Variants in ARMC9 observed in about 807,000 individuals in gnomAD.
The protein encoded by ARMC9 is armadillo repeat containing 9, also known as lisH domain-containing protein ARMC9.
Under a neutral mutation model 107.0 loss-of-function variants are expected in ARMC9, and 94 were observed. The ratio of observed to expected loss-of-function variants is 0.88; its 90% confidence interval spans 0.74 to 1.04. The LOEUF (loss-of-function observed/expected upper bound fraction) is 1.04. Among genes scored for constraint, ARMC9 ranks in the 50% least tolerant of loss-of-function variants. The pLI is 0.00. For missense variants in ARMC9, 942 were observed against 1,030.1 expected (o/e 0.91, Z 1.17); for synonymous variants, 380 against 396.9 (o/e 0.96, Z 0.51).
chr2:231,330,233 T>A (rs999397269), intron 19 of ARMC9, among the ~76,000 whole-genome samples: 1 of 149,854 alleles, frequency 6.7e-6, no homozygotes, highest in South Asian at 2.1e-4. Context: ...TTCTTTCTTT[T>A]TTTTTTTTTT....
intron 20 of ARMC9, among the ~76,000 whole-genome samples, chr2:231,337,170 T>C (rs1407585367): frequency 6.6e-6 from 1 of 151,612 alleles, no homozygotes; most frequent in Non-Finnish European, 1.5e-5. Flanking sequence ...CCCTTTTCAG[T>C]CTATTATTCC....
intron 20 of ARMC9, among the ~76,000 whole-genome samples, chr2:231,332,831 A>G (rs2043832967): frequency 2.0e-5 from 3 of 152,154 alleles, no homozygotes; most frequent in Admixed American, 2.0e-4. Context: ...GAGTCACTAA[A>G]AGAGGCTCCT....
intron 21 of ARMC9, 66 bp downstream of exon 21, chr2:231,345,156 T>G: frequency 6.4e-7 from 1 of 1,566,892 alleles, no homozygotes; most frequent in Non-Finnish European, 8.6e-7. Context: ...CAGTGTAAGA[T>G]GTATGTATTT....
chr2:231,278,409 G>C lies in ARMC9; in HGVS notation c.1502G>C (p.Gly501Ala), dbSNP rs777000520. ...AAGAACATGTGTGCCAAGGTGGCAG[G>C]CCTCGTGCTCAAAGTCCTTTCGGAT... is the stretch of plus-strand genomic sequence containing the variant. ...TGKNMCAKVA[G>A]LVLKVLSDLL... The change falls in exon 16 of 25, where the codon GGC becomes GCC. Residue 501 changes from glycine to alanine, a missense_variant. Gly to Ala is a moderately conservative substitution (Grantham distance 60). Transcript: ENST00000611582. The C allele has an allele frequency of 6.2e-7, 1 of 1,614,028 alleles. No individual in the cohort carries two copies. The highest frequency in any genetic ancestry group is 1.3e-5 in the African/African-American group (1 of 74,912).
At chr2:231,257,544 C>T (rs2037945896) in intron 10 of ARMC9, among the ~76,000 whole-genome samples, 1 of 152,164 alleles carries the variant, frequency 6.6e-6, no homozygotes, top group Non-Finnish European at 1.5e-5. Flanking sequence ...GACCTTGACC[C>T]CACGCTTTAT....
At chr2:231,331,673 C>A (rs1031796450) in intron 19 of ARMC9, 120 bp from the exon 20 acceptor site, 2 of 794,326 alleles carry the variant, frequency 2.5e-6, no homozygotes, top group Non-Finnish European at 4.1e-6. Context: ...TATAAGCCTG[C>A]AAGTTGCTGT....
chr2:231,301,018 G>A (rs1241121928), intron 19 of ARMC9, among the ~76,000 whole-genome samples: 2 of 152,118 alleles, frequency 1.3e-5, no homozygotes, highest in Non-Finnish European at 2.9e-5. Context: ...CCATGTTAGT[G>A]ATCTAGTGTG....
chr2:231,331,420 T>C (rs2043726074), intron 19 of ARMC9, among the ~76,000 whole-genome samples: 1 of 151,116 alleles, frequency 6.6e-6, no homozygotes, highest in South Asian at 2.1e-4. Flanking sequence ...GAGTTCCCTA[T>C]CCCCCATAAG....
intron 17 of ARMC9, among the ~76,000 whole-genome samples, chr2:231,283,353 G>A (rs2040357008): frequency 1.3e-5 from 2 of 152,262 alleles, no homozygotes; most frequent in South Asian, 4.1e-4. Context: ...CTAAATGTTT[G>A]GAAAATAAAC....
At position 231,324,919 on chromosome 2, in the gene ARMC9, T is replaced by A. The variant is rs891060456; in HGVS notation, c.1774-6874T>A. ...CAAAACCCCATCTCAAAAAAAAAAA[T>A]TTTGTTTAATTAAAACAAAACGAGC... On this transcript the variant is annotated intron_variant, in intron 19 of 24. Transcript: ENST00000611582. 1.1e-4 allele frequency among the ~76,000 whole-genome samples: 17 copies of A among 151,644 alleles called. No homozygotes were observed. The East Asian group carries it at 1.6e-3, about 14-fold the overall frequency.
intron 23 of ARMC9, among the ~76,000 whole-genome samples, chr2:231,364,064 T>C (rs978170529): frequency 3.9e-5 from 6 of 152,200 alleles, no homozygotes; most frequent in Non-Finnish European, 5.9e-5. Flanking sequence ...CAAATGCATT[T>C]ATCCTGCGAA....
At chr2:231,199,200 C>T (rs1027586917) in intron 1 of ARMC9, among the ~76,000 whole-genome samples, 2 of 152,218 alleles carry the variant, frequency 1.3e-5, no homozygotes, top group African/African-American at 2.4e-5. Context: ...CTAAATCTTT[C>T]TTATATAGGA....
rs1309256906 is a variant in ARMC9, at chr2:231,262,280, A to G, written c.1027-26A>G. On this transcript the variant is annotated intron_variant, in intron 11 of 24. Coordinates refer to ENST00000611582, the MANE Select transcript of ARMC9 (RefSeq NM_001352754.2). The stretch of plus-strand genomic sequence containing the variant: ...TTCTCCATGATAAGACTTAGGTCTC[A>G]CTACTTTTGTTTTTCTTTGCTCCAG... The G allele has an allele frequency of 9.3e-6, 15 of 1,609,620 alleles. No homozygotes were observed. The East Asian group carries it at 2.7e-4, about 29-fold the overall frequency.
At chr2:231,361,460 T>TAAAAAAAAAAAAAAAAAAAAAAAAAACAA (rs567342793) in intron 23 of ARMC9, among the ~76,000 whole-genome samples, 6 of 87,568 alleles carry the variant, frequency 6.9e-5, no homozygotes, top group African/African-American at 2.1e-4. Context: ...ATCAAAAAAC[T>TAAAAAAAAAAAAAAAAAAAAAAAAAACAA]AAAAAAAAAA....
chr2:231,293,831 TGAAC>T (rs2041185705), intron 18 of ARMC9: 2 of 152,222 alleles, frequency 1.3e-5, no homozygotes, highest in Admixed American at 1.3e-4. Flanking sequence ...TTACAGTGAT[TGAAC>T]ATTCAGATGG....
At chr2:231,274,229 TG>T (rs2039579163) in intron 14 of ARMC9, among the ~76,000 whole-genome samples, 1 of 152,140 alleles carries the variant, frequency 6.6e-6, no homozygotes, top group Non-Finnish European at 1.5e-5. Context: ...CCAATTCTCC[TG>T]CCTCAAACTC....
chr2:231,317,727 G>A (rs760247204), intron 19 of ARMC9, among the ~76,000 whole-genome samples: 1 of 151,886 alleles, frequency 6.6e-6, no homozygotes, highest in Non-Finnish European at 1.5e-5. Context: ...TCTGTTGATC[G>A]TCCTTCCAGT....
intron 20 of ARMC9, among the ~76,000 whole-genome samples, chr2:231,343,297 C>A (rs2044630074): frequency 6.6e-6 from 1 of 151,374 alleles, no homozygotes; most frequent in South Asian, 2.1e-4. Context: ...CCCGTAGGCA[C>A]TGGCCCTTTT....
At position 231,259,127 on chromosome 2, in the gene ARMC9, GAAAAC is replaced by G. The variant is rs759048563; in HGVS notation, c.1026+31_1026+35del. On this transcript the variant is annotated intron_variant, in intron 11 of 24. Coordinates refer to ENST00000611582, the MANE Select transcript of ARMC9 (RefSeq NM_001352754.2). ...GGTAGGTACCTTTGTCTTAAAGTTAGAAAACAAAACCAAACCAGTGCTGGTTTTCT... is the reference window on the plus strand; with the variant it reads ...GGTAGGTACCTTTGTCTTAAAGTTAGAAAACCAAACCAGTGCTGGTTTTCT... 8 of 1,587,292 alleles carry G rather than the reference GAAAAC, an allele frequency of 5.0e-6. No individual in the cohort carries two copies. The South Asian group carries it at 7.8e-5, about 16-fold the overall frequency.
Sources: allele counts gnomAD v4.1 joint callset (sites outside exome capture counted in the v4.1 genomes callset), GRCh38; gene constraint gnomAD v4.1.1; transcripts MANE v1.5; gene names NCBI Gene and HGNC (gene_info 2026-07-23, HGNC 2026-07-21).